The following ABHD3 variants were observed in gnomAD, a reference collection of about 807,000 sequenced individuals.
The protein encoded by ABHD3 is phospholipase ABHD3.
Under a neutral mutation model 48.8 loss-of-function variants are expected in ABHD3, and 46 were observed. The observed-to-expected ratio is 0.94, with a 90% CI of 0.74 to 1.20. The LOEUF is 1.20. Ranked by LOEUF, ABHD3 falls within the 50% of genes most tolerant of loss-of-function variation. ABHD3 has a pLI of 0.00. For missense variants in ABHD3, 490 were observed against 497.8 expected (o/e 0.98, Z 0.15); for synonymous variants, 192 against 183.7 (o/e 1.04, Z -0.36).
At chr18:21,653,307 C>T (rs1394652906) in intron 8 of ABHD3, among the ~76,000 whole-genome samples, 1 of 151,782 alleles carries the variant, frequency 6.6e-6, no homozygotes, top group African/African-American at 2.4e-5. Flanking sequence ...AGCCTGGTGA[C>T]AGAGCTAATT....
At chr18:21,652,366 A>C (rs2146273737) in intron 8 of ABHD3, among the ~76,000 whole-genome samples, 1 of 152,206 alleles carries the variant, frequency 6.6e-6, no homozygotes, top group South Asian at 2.1e-4. Context: ...GAAAGAAAGG[A>C]AGACAAGAAG....
Position 21,664,144 on chromosome 18 carries a change from G to C in ABHD3, c.642C>G (p.Phe214Leu), listed in dbSNP as rs377531480. Residue 214 changes from phenylalanine (F) to leucine (L), a missense_variant, in exon 5 of 9, where the codon TTC becomes TTG. Physicochemically the swap from Phe to Leu is conservative, Grantham distance 22. Coordinates refer to ENST00000289119, the MANE Select transcript of ABHD3 (RefSeq NM_138340.5). ...CTCCCATTGAAACCCCTGCTGCCAG[G>C]AAAGGAGCAGAAGGGTACAGGCTGT... ...HVHSLYPSAPFLAAGVSMGGM... is the reference protein window; with the variant it reads ...HVHSLYPSAPLLAAGVSMGGM... The C allele has an allele frequency of 3.5e-5, 56 of 1,612,538 alleles. No homozygotes were observed. The highest frequency in any genetic ancestry group is 4.3e-5 in the Non-Finnish European group (51 of 1,179,740).
intron 8 of ABHD3, among the ~76,000 whole-genome samples, chr18:21,655,959 C>A (rs1266967877): frequency 6.6e-6 from 1 of 150,946 alleles, no homozygotes; most frequent in African/African-American, 2.4e-5. Context: ...GAGTTTGAGA[C>A]CAGCCTGGCC....
chr18:21,704,250 C>A (rs1344438292), intron 1 of ABHD3, among the ~76,000 whole-genome samples: 3 of 152,212 alleles, frequency 2.0e-5, no homozygotes, highest in Admixed American at 1.3e-4. Flanking sequence ...GATCGGTGAC[C>A]GGGCAGCGCC....
chr18:21,665,681 TG>T, intron 4 of ABHD3, among the ~76,000 whole-genome samples: 1 of 151,560 alleles, frequency 6.6e-6, no homozygotes, highest in Non-Finnish European at 1.5e-5. Flanking sequence ...GGTGTGGTGG[TG>T]GGCGCTGTAG....
At chr18:21,701,099 T>C (rs1775806695) in intron 3 of ABHD3, among the ~76,000 whole-genome samples, 2 of 152,244 alleles carry the variant, frequency 1.3e-5, no homozygotes, top group Middle Eastern at 3.4e-3. Flanking sequence ...AGAATGTTAC[T>C]TCATGGACAA....
Position 21,673,028 on chromosome 18 carries a change from A to G in ABHD3, c.556-8798T>C, listed in dbSNP as rs149860264. ...GCATGCTCATGATGTCAGGTTATAC[A>G]AGCTACACCAATAAATGAGCAGTTT... On this transcript the variant is annotated intron_variant, in intron 4 of 8. Transcript: ENST00000289119. Among the ~76,000 whole-genome samples, 62 of 152,262 alleles carry G rather than the reference A, an allele frequency of 4.1e-4. No homozygotes were observed. The East Asian group carries it at 0.011, about 27-fold the overall frequency.
At chr18:21,679,967 C>G (rs1200205941) in intron 4 of ABHD3, among the ~76,000 whole-genome samples, 1 of 152,062 alleles carries the variant, frequency 6.6e-6, no homozygotes, top group Non-Finnish European at 1.5e-5. Context: ...AGCCACTGTG[C>G]CTGGCCCTAA....
intron 1 of ABHD3, among the ~76,000 whole-genome samples, 180 bp downstream of exon 1, chr18:21,704,324 G>A (rs2146345918): frequency 6.6e-6 from 1 of 152,188 alleles, no homozygotes; most frequent in Non-Finnish European, 1.5e-5. Context: ...GACCCCCAGG[G>A]GGCGGGCGAA....
Position 21,671,902 on chromosome 18 carries a change from A to G in ABHD3, c.556-7672T>C, listed in dbSNP as rs2039766006. Among the ~76,000 whole-genome samples, 6 of 152,224 alleles carry G rather than the reference A, an allele frequency of 3.9e-5. No individual in the cohort carries two copies. The South Asian group carries it at 1.2e-3, about 32-fold the overall frequency. On this transcript the variant is annotated intron_variant, in intron 4 of 8. Transcript: ENST00000289119. ...TCCTCCTGCCTCAGCCTCCCAAAGT[A>G]TTGGGATTACAGGCGTGAGCCACCA...
chr18:21,696,145 T>G (rs45626832), intron 3 of ABHD3, among the ~76,000 whole-genome samples: 1 of 150,810 alleles, frequency 6.6e-6, no homozygotes, highest in Non-Finnish European at 1.5e-5. Flanking sequence ...TTTTTCTCCT[T>G]GTTTTTTTTT....
chr18:21,661,102 T>TAAAAAAAAAAAAAAAAAAAAAAAAAAAA (rs35710540), intron 5 of ABHD3, among the ~76,000 whole-genome samples: 3 of 57,220 alleles, frequency 5.2e-5, no homozygotes, highest in Admixed American at 2.2e-4. Context: ...AACTACAAGC[T>TAAAAAAAAAAAAAAAAAAAAAAAAAAAA]AAAAAAAAAA....
Position 21,683,485 on chromosome 18 carries a change from T to C in ABHD3, c.555+435A>G, listed in dbSNP as rs763671082. ...CTGTATTAGTTAATTTGTTTTGCAC[T>C]GGTTAATTTTTAAGGAAAATGTGTT... On this transcript the variant is annotated intron_variant, in intron 4 of 8. Transcript: ENST00000289119. 24 of 495,628 alleles carry C rather than the reference T, an allele frequency of 4.8e-5. No individual in the cohort carries two copies. The Admixed American group carries it at 5.0e-4, about 10-fold the overall frequency. The allele number at this position is 495,628 out of a possible 1,614,324, so 30.7% of individuals were successfully genotyped here.
chr18:21,651,531 A>G lies in ABHD3; in HGVS notation c.*60T>C. The G allele has an allele frequency of 6.3e-7, 1 of 1,598,634 alleles. No homozygotes were observed. The highest frequency in any genetic ancestry group is 2.2e-5 in the East Asian group (1 of 44,604). On this transcript the variant is annotated 3_prime_UTR_variant, in exon 9 of 9. Transcript: ENST00000289119. The stretch of plus-strand genomic sequence containing the variant: ...TATATACAACAGTTAAAATTTGTGC[A>G]CTAAGCTGAGCTGCCTTCACAATTG...
intron 6 of ABHD3, among the ~76,000 whole-genome samples, chr18:21,657,514 G>T (rs897798503): frequency 1.7e-3 from 246 of 148,060 alleles, no homozygotes; most frequent in African/African-American, 5.8e-3. Flanking sequence ...AATTTTGTGG[G>T]TTTTTTTTTT....
chr18:21,688,516 G>C (rs1301416891), intron 3 of ABHD3, among the ~76,000 whole-genome samples: 1 of 151,172 alleles, frequency 6.6e-6, no homozygotes, highest in Non-Finnish European at 1.5e-5. Flanking sequence ...ACTAAAGATT[G>C]AGTTAGAGCC....
chr18:21,651,436 T>G lies in ABHD3; in HGVS notation c.*155A>C. On this transcript the variant is annotated 3_prime_UTR_variant, in exon 9 of 9. Coordinates refer to ENST00000289119, the MANE Select transcript of ABHD3 (RefSeq NM_138340.5). ...TTTAATTTGTTGCTACAAAGTTGTT[T>G]TGTTTCTCTAAAAAGTAGTTTTTGC... 3 of 751,590 alleles carry G rather than the reference T, an allele frequency of 4.0e-6. No individual in the cohort carries two copies. Among genetic ancestry groups the G allele is most frequent in the East Asian group, 2.9e-5 (1 of 34,658 alleles). 46.6% of individuals were successfully genotyped at this position (751,590 alleles called of 1,614,324 possible). A position where few individuals can be genotyped will look rare whatever the true frequency, so the allele number is the denominator to read the frequency against.
intron 4 of ABHD3, among the ~76,000 whole-genome samples, chr18:21,681,098 C>T (rs2039996930): frequency 6.6e-6 from 1 of 152,028 alleles, no homozygotes; most frequent in Non-Finnish European, 1.5e-5. Context: ...ATCTCAGCTA[C>T]TCCTGAGCTT....
chr18:21,689,376 C>T (rs2040194039), intron 3 of ABHD3, among the ~76,000 whole-genome samples: 1 of 151,778 alleles, frequency 6.6e-6, no homozygotes, highest in Non-Finnish European at 1.5e-5. Context: ...TAGTGAAACA[C>T]TGTCTCTACT....
Sources: gnomAD v4.1 joint callset for allele counts (sites outside exome capture counted in the v4.1 genomes callset) on GRCh38, gnomAD v4.1.1 for gene constraint, MANE v1.5 for transcripts, NCBI Gene and HGNC (gene_info 2026-07-23, HGNC 2026-07-21) for gene names.